Variants in PLCE1 observed in about 807,000 individuals in gnomAD.
PLCE1 encodes 1-phosphatidylinositol 4,5-bisphosphate phosphodiesterase epsilon-1.
In PLCE1, 119 loss-of-function variants were observed where a neutral mutation model predicts 242.8. The ratio of observed to expected loss-of-function variants is 0.49; its 90% CI spans 0.42 to 0.57. The LOEUF is 0.57. PLCE1 is among the 20% of genes least tolerant of loss of function. The probability of loss-of-function intolerance (pLI) is 0.00; values close to 1 mark genes in which losing one functional copy is unlikely to be tolerated. For synonymous variants in PLCE1, 945 were observed against 1,017.4 expected, an observed-to-expected ratio of 0.93 and a Z score of 1.35; for missense variants, 2,441 against 2,788.8, an observed-to-expected ratio of 0.88 and a Z score of 2.81.
intron 2 of PLCE1, chr10:94,081,874 A>G (rs1306015312): frequency 6.6e-6 from 1 of 152,216 alleles, no homozygotes; most frequent in Non-Finnish European, 1.5e-5. Context: ...GGGGAAAGGT[A>G]TCCCTTTCCA....
intron 2 of PLCE1, among the ~76,000 whole-genome samples, chr10:94,034,691 C>T (rs2061629866): frequency 6.6e-6 from 1 of 152,136 alleles, no homozygotes; most frequent in African/African-American, 2.4e-5. Context: ...GCTTACACGT[C>T]ACAGTCACTG....
chr10:94,314,073 G>A (rs546768131), intron 28 of PLCE1, among the ~76,000 whole-genome samples: 54 of 152,234 alleles, frequency 3.5e-4, no homozygotes, highest in Non-Finnish European at 6.0e-4. Context: ...ATCCCCCTCC[G>A]AAGGATCTTT....
intron 2 of PLCE1, among the ~76,000 whole-genome samples, chr10:94,085,720 CACTT>C (rs1025473170): frequency 6.6e-6 from 1 of 152,304 alleles, no homozygotes; most frequent in South Asian, 2.1e-4. Context: ...CAGTGCTCTG[CACTT>C]ACTTCTCTTA....
At chr10:94,183,275 C>A (rs1270525476) in intron 4 of PLCE1, among the ~76,000 whole-genome samples, 2 of 152,182 alleles carry the variant, frequency 1.3e-5, no homozygotes, top group Non-Finnish European at 2.9e-5. Flanking sequence ...CTTCTCAATG[C>A]CTCACCTTGG....
intron 4 of PLCE1, among the ~76,000 whole-genome samples, chr10:94,206,007 T>G (rs1022253702): frequency 2.6e-5 from 4 of 152,222 alleles, no homozygotes; most frequent in African/African-American, 7.2e-5. Context: ...GAGCTTCCAT[T>G]GCAGTTAGAT....
At chr10:94,007,218 A>G (rs1046527457) in intron 1 of PLCE1, among the ~76,000 whole-genome samples, 1 of 152,042 alleles carries the variant, frequency 6.6e-6, no homozygotes, top group South Asian at 2.1e-4. Flanking sequence ...TGTTGGCTCT[A>G]CTGAAGAGGA....
Position 94,270,524 on chromosome 10 carries a change from C to T in PLCE1, c.4428C>T (p.Asn1476=). ...VEAIDRSAFI[N]SDLPIIISIE... ...CCATTGATCGCAGTGCCTTCATCAA[C>T]TCTGACCTGCCAATCATCATATCGA... Residue 1476 remains asparagine, a synonymous_variant, in exon 18 of 33, where the codon AAC becomes AAT. Coordinates refer to ENST00000371380, the MANE Select transcript of PLCE1 (RefSeq NM_016341.4). 1 of 1,613,990 alleles carries T rather than the reference C, an allele frequency of 6.2e-7. No individual in the cohort carries two copies.
intron 3 of PLCE1, among the ~76,000 whole-genome samples, chr10:94,157,287 G>C (rs2047463477): frequency 6.6e-6 from 1 of 152,118 alleles, no homozygotes; most frequent in African/African-American, 2.4e-5. Context: ...TGCAAATGTT[G>C]AATTAATGAT....
At chr10:94,094,559 G>T (rs2045226605) in intron 2 of PLCE1, 2 of 152,226 alleles carry the variant, frequency 1.3e-5, no homozygotes, top group South Asian at 4.1e-4. Flanking sequence ...CAAGACATCT[G>T]CAGGGTGAGT....
chr10:94,298,842 G>A lies in PLCE1; in HGVS notation c.5458+173G>A, dbSNP rs749859165. 6.6e-6 allele frequency among the ~76,000 whole-genome samples: 1 copy of A among 152,194 alleles called. No homozygotes were observed. The highest frequency in any genetic ancestry group is 1.5e-5 in the Non-Finnish European group (1 of 68,032). Reference sequence around the variant, plus strand: ...TTTGATACTGAATTGTGCCTCCGATGTTTCAGATTAAGGTGATAGAAAAGA... The same window carrying A: ...TTTGATACTGAATTGTGCCTCCGATATTTCAGATTAAGGTGATAGAAAAGA... On this transcript the variant is annotated intron_variant, in intron 24 of 32. Transcript: ENST00000371380. The surrounding 1 kb of genome is among the most constrained non-coding windows in gnomAD (Gnocchi z 5.2).
At chr10:94,235,431 A>G (rs570840133) in intron 6 of PLCE1, among the ~76,000 whole-genome samples, 1 of 152,222 alleles carries the variant, frequency 6.6e-6, no homozygotes, top group Non-Finnish European at 1.5e-5. Flanking sequence ...AATAAGGCTT[A>G]AAGAGCTTAA....
At position 94,322,358 on chromosome 10, in the gene PLCE1, G is replaced by GA. The variant is rs372336706; in HGVS notation, c.6501+309dup. Among the ~76,000 whole-genome samples, 213 of 145,940 alleles carry GA rather than the reference G, an allele frequency of 1.5e-3. 1 individual carries two copies. The highest frequency in any genetic ancestry group is 5.8e-3 in the East Asian group (29 of 4,976). On this transcript the variant is annotated intron_variant, in intron 30 of 32. Transcript: ENST00000371380. ...ACAGAGTGAGGCCCTGTCTCTAATT[G>GA]AAAAAAAAAACAACCAACCCAGTGG...
chr10:94,028,733 G>A (rs916200748), intron 1 of PLCE1, among the ~76,000 whole-genome samples: 5 of 152,144 alleles, frequency 3.3e-5, no homozygotes, highest in African/African-American at 1.2e-4. Flanking sequence ...AGGATCGCTT[G>A]AGCCCAGAAA....
intron 1 of PLCE1, among the ~76,000 whole-genome samples, chr10:94,028,407 C>T (rs1434704418): frequency 1.3e-5 from 2 of 152,144 alleles, no homozygotes; most frequent in Non-Finnish European, 2.9e-5. Context: ...CAGATTACCC[C>T]CAGAGCATGC....
intron 2 of PLCE1, among the ~76,000 whole-genome samples, chr10:94,056,623 TA>T (rs1220337818): frequency 2.6e-5 from 4 of 152,186 alleles, no homozygotes; most frequent in Non-Finnish European, 5.9e-5. Context: ...TCTTAGCCTT[TA>T]AAAAATAATG....
At chr10:94,206,127 C>T (rs779810343) in intron 4 of PLCE1, among the ~76,000 whole-genome samples, 1 of 152,072 alleles carries the variant, frequency 6.6e-6, no homozygotes, top group Non-Finnish European at 1.5e-5. Flanking sequence ...TTCTTGCAAC[C>T]TCAAGTCGAG....
chr10:94,265,167 G>T (rs900558135), intron 14 of PLCE1, among the ~76,000 whole-genome samples: 4 of 152,204 alleles, frequency 2.6e-5, no homozygotes, highest in Non-Finnish European at 5.9e-5. Context: ...ACCTGACTGG[G>T]TATCAGTGTA....
At chr10:94,235,806 A>G (rs2050301578) in intron 6 of PLCE1, 109 bp from the exon 7 acceptor site, 1 of 1,425,206 alleles carries the variant, frequency 7.0e-7, no homozygotes, top group East Asian at 2.4e-5. Flanking sequence ...TTTCCCATAA[A>G]ATAGGCACAA....
At position 94,255,904 on chromosome 10, in the gene PLCE1, ACACACACACACTCTCTCTCTCTCTCT is replaced by A. The variant is rs1359758270; in HGVS notation, c.3554+857_3554+882del. ...CACACACACACACACACACACACAC[ACACACACACACTCTCTCTCTCTCTCT>A]CTCTCTCTCTCTCTCTCTCTCTCTC... On this transcript the variant is annotated intron_variant, in intron 11 of 32. Transcript: ENST00000371380. 3.1e-3 allele frequency among the ~76,000 whole-genome samples: 306 copies of A among 98,880 alleles called. 1 individual carries two copies. Among genetic ancestry groups the A allele is most frequent in the Non-Finnish European group, 5.2e-3 (245 of 47,234 alleles). The allele number at this position is 98,880 out of a possible 152,430, so 64.9% of individuals were successfully genotyped here. A position where few individuals can be genotyped will look rare whatever the true frequency, so the allele number is the denominator to read the frequency against.
Sources: gnomAD v4.1 joint callset for allele counts (sites outside exome capture counted in the v4.1 genomes callset) on GRCh38, gnomAD v4.1.1 for gene constraint, Gnocchi (gnomAD v3.1) non-coding constraint, MANE v1.5 for transcripts, NCBI Gene and HGNC (gene_info 2026-07-23, HGNC 2026-07-21) for gene names.